Variants in RUBCN observed in about 807,000 individuals in gnomAD.
RUBCN encodes the protein rubicon autophagy regulator, also known as run domain Beclin-1-interacting and cysteine-rich domain-containing protein.
Under a neutral mutation model 113.2 loss-of-function variants are expected in RUBCN, and 74 were observed. The observed-to-expected ratio is 0.65, with a 90% CI of 0.54 to 0.79. RUBCN has a LOEUF of 0.79. Among genes scored for constraint, RUBCN ranks in the 30% least tolerant of loss-of-function variants. The probability of loss-of-function intolerance (pLI) is 0.00; values close to 1 mark genes in which losing one functional copy is unlikely to be tolerated. For missense variants in RUBCN, 1,109 were observed against 1,251.7 expected (o/e 0.89, Z 1.72); for synonymous variants, 480 against 490.0 (o/e 0.98, Z 0.27).
intron 1 of RUBCN, among the ~76,000 whole-genome samples, chr3:197,735,166 G>A (rs964796425): frequency 1.3e-5 from 2 of 152,204 alleles, no homozygotes; most frequent in African/African-American, 2.4e-5. Context: ...CCGACGTGGC[G>A]GGGGAGAATT....
chr3:197,711,864 T>C (rs1305521383), intron 2 of RUBCN, among the ~76,000 whole-genome samples: 1 of 152,206 alleles, frequency 6.6e-6, no homozygotes, highest in Non-Finnish European at 1.5e-5. Context: ...ACAACCTTAA[T>C]GTTTTTTTTA....
intron 1 of RUBCN, among the ~76,000 whole-genome samples, chr3:197,722,956 C>T (rs2108974115): frequency 6.6e-6 from 1 of 152,186 alleles, no homozygotes; most frequent in South Asian, 2.1e-4. Context: ...AACCCATTTA[C>T]ATTTAAGGTA....
intron 1 of RUBCN, among the ~76,000 whole-genome samples, chr3:197,723,667 T>C (rs1440942813): frequency 6.6e-6 from 1 of 152,220 alleles, no homozygotes; most frequent in Non-Finnish European, 1.5e-5. Flanking sequence ...TAGGATCGTT[T>C]ATCCTAATGA....
chr3:197,739,576 G>C (rs764582872), upstream of RUBCN, among the ~76,000 whole-genome samples: 1 of 149,844 alleles, frequency 6.7e-6, no homozygotes, highest in Non-Finnish European at 1.5e-5. Context: ...GGCGCCTGTA[G>C]TCCCAGCTAC....
rs1378219121 is a variant in RUBCN at position 197,679,914 on chromosome 3, A to G, written c.2430+1215T>C. On this transcript the variant is annotated intron_variant, in intron 16 of 19. Transcript: ENST00000296343. The stretch of plus-strand genomic sequence containing the variant: ...CTGACAACTGGCTTCAGACTGTCCT[A>G]CGCTCTGACAACTGGCTCCAGACTG... Among the ~76,000 whole-genome samples, 721 of 131,982 alleles carry G rather than the reference A, an allele frequency of 5.5e-3. 3 individuals carry two copies. The highest frequency in any genetic ancestry group is 8.3e-3 in the Non-Finnish European group (515 of 62,416). The allele number at this position is 131,982 out of a possible 152,430, so 86.6% of individuals were successfully genotyped here.
At position 197,730,701 on chromosome 3, in the gene RUBCN, A is replaced by C. The variant is rs1250392470; in HGVS notation, c.65+5954T>G. Among the ~76,000 whole-genome samples the C allele has an allele frequency of 2.0e-5, 3 of 150,894 alleles. No individual in the cohort carries two copies. In the Admixed American group the frequency reaches 2.0e-4, roughly 10 times the overall value. ...TCAAACAAAGAAACAGGTGGTGAGG[A>C]TGTGGGGGTTGAAAGGAAACAGTGT... On this transcript the variant is annotated intron_variant, in intron 1 of 19. Coordinates refer to ENST00000296343, the MANE Select transcript of RUBCN (RefSeq NM_014687.4).
chr3:197,681,041 T>TG lies in RUBCN; in HGVS notation c.2430+87dup. On this transcript the variant is annotated intron_variant, in intron 16 of 19. Coordinates refer to ENST00000296343, the MANE Select transcript of RUBCN (RefSeq NM_014687.4). This position sits in a 1 kb window ranked among gnomAD's most constrained non-coding sequence, Gnocchi z 5.5. ...GGGGGGAGGGGACAAGAGGAGGGGA[T>TG]GGGGGGAGGGGACGGGGGAGGGACG... is the stretch of plus-strand genomic sequence containing the variant. The TG allele has an allele frequency of 2.6e-6, 1 of 386,914 alleles. No homozygotes were observed. The allele number at this position is 386,914 out of a possible 1,614,324, so 24.0% of individuals were successfully genotyped here. A position where few individuals can be genotyped will look rare whatever the true frequency, so the allele number is the denominator to read the frequency against.
At chr3:197,741,906 C>CT (rs983979494) in intron 1 of RUBCN, among the ~76,000 whole-genome samples, 75 of 150,588 alleles carry the variant, frequency 5.0e-4, no homozygotes, top group Non-Finnish European at 3.3e-4. Context: ...TGTGCTTTTT[C>CT]TTTTTTTTTG....
intron 1 of RUBCN, among the ~76,000 whole-genome samples, chr3:197,721,543 C>T (rs1353772754): frequency 6.6e-6 from 1 of 152,014 alleles, no homozygotes. Flanking sequence ...CTGAAACAAA[C>T]AACTCTTTTG....
chr3:197,675,324 G>T lies in RUBCN; in HGVS notation c.2740+98C>A. On this transcript the variant is annotated intron_variant, in intron 19 of 19. Transcript: ENST00000296343. The surrounding 1 kb of genome is among the most constrained non-coding windows in gnomAD (Gnocchi z 4.4). ...GTCCCCTGGGGAGGCCCCGCGAGGTGCTGAGTGGCACCGAACTCTTGCTAA... is the reference window on the plus strand; with the variant it reads ...GTCCCCTGGGGAGGCCCCGCGAGGTTCTGAGTGGCACCGAACTCTTGCTAA... 6.7e-7 allele frequency: 1 copy of T among 1,500,416 alleles called. No individual in the cohort carries two copies. The highest frequency in any genetic ancestry group is 9.3e-7 in the Non-Finnish European group (1 of 1,078,808). 92.9% of individuals were successfully genotyped at this position (1,500,416 alleles called of 1,614,324 possible).
At chr3:197,740,379 G>C (rs1728476621), upstream of RUBCN, among the ~76,000 whole-genome samples, 1 of 151,662 alleles carries the variant, frequency 6.6e-6, no homozygotes, top group Non-Finnish European at 1.5e-5. Flanking sequence ...TGAGCCAGGA[G>C]AATCTCTTTA....
intron 2 of RUBCN, among the ~76,000 whole-genome samples, chr3:197,712,854 A>C (rs1412974413): frequency 6.6e-6 from 1 of 151,096 alleles, no homozygotes; most frequent in African/African-American, 2.4e-5. Flanking sequence ...TTTCACAGAT[A>C]TTATCACTTT....
chr3:197,674,848 G>GA lies in RUBCN; in HGVS notation c.*169_*170insT. ...ACTCTGGACCCATCAACCTGCCGAC[G>GA]GCTGACTGCACACAGACGTCAGACA... is the stretch of plus-strand genomic sequence containing the variant. On this transcript the variant is annotated 3_prime_UTR_variant, in exon 20 of 20. Transcript: ENST00000296343. 4 of 593,478 alleles carry GA rather than the reference G, an allele frequency of 6.7e-6. No homozygotes were observed. Among genetic ancestry groups the GA allele is most frequent in the Non-Finnish European group, 1.1e-5 (4 of 354,354 alleles). The allele number at this position is 593,478 out of a possible 1,614,324, so 36.8% of individuals were successfully genotyped here.
At chr3:197,726,222 GTATTTTATTT>G (rs1000971388) in intron 1 of RUBCN, among the ~76,000 whole-genome samples, 13 of 152,142 alleles carry the variant, frequency 8.5e-5, no homozygotes, top group African/African-American at 2.6e-4. Context: ...TATTTCTTTT[GTATTTTATTT>G]TATTTTATTT....
chr3:197,698,484 A>G (rs1436962816), intron 7 of RUBCN, among the ~76,000 whole-genome samples: 1 of 151,898 alleles, frequency 6.6e-6, no homozygotes, highest in African/African-American at 2.4e-5. Context: ...GAAGAATCCT[A>G]TGCAATAGCT....
chr3:197,725,610 G>T (rs1726654398), intron 1 of RUBCN, among the ~76,000 whole-genome samples: 1 of 138,192 alleles, frequency 7.2e-6, no homozygotes, highest in Non-Finnish European at 1.5e-5. Flanking sequence ...GCAACCATCT[G>T]CCTCGGCCTC....
At chr3:197,726,897 T>C (rs575434386) in intron 1 of RUBCN, among the ~76,000 whole-genome samples, 2 of 151,992 alleles carry the variant, frequency 1.3e-5, no homozygotes, top group African/African-American at 2.4e-5. Context: ...TAAACTGAAT[T>C]TGAATTTGAA....
chr3:197,695,537 G>A (rs185030182), intron 9 of RUBCN, among the ~76,000 whole-genome samples: 37 of 152,292 alleles, frequency 2.4e-4, no homozygotes, highest in South Asian at 4.1e-4. Context: ...GGAATTTGAG[G>A]CTGTAGTGAG....
chr3:197,719,228 G>A (rs996993028), intron 1 of RUBCN, among the ~76,000 whole-genome samples: 4 of 152,136 alleles, frequency 2.6e-5, no homozygotes, highest in Non-Finnish European at 4.4e-5. Flanking sequence ...TGTAATCCCA[G>A]CAATTTGGGA....
Sources: allele counts gnomAD v4.1 joint callset (sites outside exome capture counted in the v4.1 genomes callset), GRCh38; gene constraint gnomAD v4.1.1; non-coding constraint Gnocchi (gnomAD v3.1); transcripts MANE v1.5; gene names NCBI Gene and HGNC (gene_info 2026-07-23, HGNC 2026-07-21).